Variants in MLIP observed in about 807,000 individuals in gnomAD.
MLIP encodes the protein muscular LMNA interacting protein, also known as muscular LMNA-interacting protein.
Under a neutral mutation model 84.8 loss-of-function variants are expected in MLIP, and 79 were observed. That is an observed-to-expected ratio of 0.93 (90% CI 0.78 to 1.12). The LOEUF (loss-of-function observed/expected upper bound fraction) is 1.12, where lower values mean the gene tolerates loss of function less well. Among genes scored for constraint, MLIP ranks in the 50% most tolerant of loss-of-function variants. The probability of loss-of-function intolerance (pLI) is 0.00; values close to 1 mark genes in which losing one functional copy is unlikely to be tolerated. For synonymous variants in MLIP, 504 were observed against 463.0 expected, an observed-to-expected ratio of 1.09 and a Z score of -1.14; for missense variants, 1,257 against 1,160.6, an observed-to-expected ratio of 1.08 and a Z score of -1.21.
chr6:54,098,358 G>A (rs1249930661), intron 1 of MLIP, among the ~76,000 whole-genome samples: 1 of 143,510 alleles, frequency 7.0e-6, no homozygotes, highest in African/African-American at 2.6e-5. Context: ...GTAGAGACAG[G>A]GTTTCACTCT....
Position 54,171,331 on chromosome 6 carries a change from C to G in MLIP, c.2544+1759C>G, listed in dbSNP as rs531738351. Reference sequence around the variant, plus strand: ...GTATAGGCTAGAACAAATATAAACTCTAATGCAGATAAGATTCTTGACCTT... The same window carrying G: ...GTATAGGCTAGAACAAATATAAACTGTAATGCAGATAAGATTCTTGACCTT... On this transcript the variant is annotated intron_variant, in intron 9 of 13. Coordinates refer to ENST00000502396, the MANE Select transcript of MLIP (RefSeq NM_001281747.2). Among the ~76,000 whole-genome samples, 41 of 151,682 alleles carry G rather than the reference C, an allele frequency of 2.7e-4. No individual in the cohort carries two copies. The South Asian group carries it at 8.1e-3, about 30-fold the overall frequency.
chr6:54,158,092 CCTGG>C (rs1774226744), intron 5 of MLIP, among the ~76,000 whole-genome samples: 2 of 151,984 alleles, frequency 1.3e-5, no homozygotes, highest in African/African-American at 2.4e-5. Context: ...AGCATCTGGA[CCTGG>C]TACCTCTTGG....
At position 54,137,927 on chromosome 6, in the gene MLIP, C is replaced by A. The variant is rs1771958931; in HGVS notation, c.1858C>A (p.Leu620Met). ...CCATCCTTCCCCAGCTCTTTCAAGC[C>A]TGATAAACAGATCTAAAAGAGCATC... ...CFHPSPALSS[L>M]INRSKRASSQ... Residue 620 changes from leucine to methionine, a missense_variant, in exon 4 of 14, where the codon CTG (leucine) becomes ATG (methionine). Leu to Met is a conservative substitution (Grantham distance 15). Transcript: ENST00000502396. 6.5e-7 allele frequency: 1 copy of A among 1,536,066 alleles called. No individual in the cohort carries two copies. Among genetic ancestry groups the A allele is most frequent in the Non-Finnish European group, 8.7e-7 (1 of 1,146,892 alleles).
chr6:54,128,086 T>A (rs1771076439), intron 3 of MLIP, among the ~76,000 whole-genome samples: 1 of 152,116 alleles, frequency 6.6e-6, no homozygotes, highest in South Asian at 2.1e-4. Flanking sequence ...ATGGGAAAAA[T>A]TAAGCATGAA....
intron 1 of MLIP, chr6:54,040,912 T>G (rs1391791724): frequency 6.6e-6 from 1 of 152,018 alleles, no homozygotes; most frequent in African/African-American, 2.4e-5. Flanking sequence ...TGGGGACTAC[T>G]AGAGGTGGGA....
At chr6:54,116,344 T>C (rs1420464556) in intron 1 of MLIP, among the ~76,000 whole-genome samples, 1 of 152,110 alleles carries the variant, frequency 6.6e-6, no homozygotes, top group African/African-American at 2.4e-5. Context: ...AAACAAAGAA[T>C]TGGTTTTTGG....
rs1401494638 is a variant in MLIP, at chr6:54,137,294, C to A, written c.1225C>A (p.Pro409Thr). 7.2e-6 allele frequency: 11 copies of A among 1,535,922 alleles called. No individual in the cohort carries two copies. The highest frequency in any genetic ancestry group is 9.6e-6 in the Non-Finnish European group (11 of 1,146,896). The change falls in exon 4 of 14, where the codon CCG (proline) becomes ACG (threonine). Residue 409 changes from proline (P) to threonine (T), a missense_variant. By Grantham distance (38) the Pro-to-Thr change is conservative. Coordinates refer to ENST00000502396, the MANE Select transcript of MLIP (RefSeq NM_001281747.2). The stretch of plus-strand genomic sequence containing the variant: ...TCTTTCAAAGTCAGGGGTAAAATCC[C>A]CGGTGCCTTCCCGGCTTGCCCTTCT... ...GNLSKSGVKS[P>T]VPSRLALLTA...
intron 1 of MLIP, among the ~76,000 whole-genome samples, chr6:54,090,337 G>A (rs1386487867): frequency 6.6e-6 from 1 of 152,046 alleles, no homozygotes; most frequent in Non-Finnish European, 1.5e-5. Context: ...ATGCACAATA[G>A]TTAAGTGGAA....
chr6:54,180,884 T>C lies in MLIP; in HGVS notation c.2545-8986T>C, dbSNP rs1309427408. ...TTTTATGCGGTTATGTTTTTCTGGA[T>C]GATCTTGATGCTTGTGGATGTTTGT... On this transcript the variant is annotated intron_variant, in intron 9 of 13. Coordinates refer to ENST00000502396, the MANE Select transcript of MLIP (RefSeq NM_001281747.2). Among the ~76,000 whole-genome samples, 3 of 152,316 alleles carry C rather than the reference T, an allele frequency of 2.0e-5. No individual in the cohort carries two copies. In the East Asian group the frequency reaches 5.8e-4, roughly 29 times the overall value.
At chr6:54,204,898 GAA>G (rs1380236703) in intron 11 of MLIP, among the ~76,000 whole-genome samples, 1 of 152,056 alleles carries the variant, frequency 6.6e-6, no homozygotes, top group Non-Finnish European at 1.5e-5. Flanking sequence ...ATCCCCATTT[GAA>G]TGTGGAACAT....
At chr6:54,264,078 G>A (rs1478441396) in intron 13 of MLIP, among the ~76,000 whole-genome samples, 2 of 151,966 alleles carry the variant, frequency 1.3e-5, no homozygotes, top group East Asian at 1.9e-4. Flanking sequence ...TAAATTGTGG[G>A]GCCAAACATT....
chr6:54,031,697 T>G (rs188335449), intron 1 of MLIP: 1 of 152,320 alleles, frequency 6.6e-6, no homozygotes, highest in Non-Finnish European at 1.5e-5. Context: ...AGGAAGGGAC[T>G]TGTCCTGAGG....
chr6:54,019,158 T>G, intron 1 of MLIP: 1 of 1,524,372 alleles, frequency 6.6e-7, no homozygotes, highest in Non-Finnish European at 9.0e-7. Context: ...GCAACTGTCA[T>G]AGACTGGAAA....
At chr6:54,094,585 T>C (rs976094036) in intron 1 of MLIP, among the ~76,000 whole-genome samples, 7 of 151,196 alleles carry the variant, frequency 4.6e-5, no homozygotes, top group African/African-American at 1.7e-4. Flanking sequence ...TTGTCTTCTT[T>C]CTGACTTTTT....
intron 1 of MLIP, among the ~76,000 whole-genome samples, chr6:54,048,480 T>C (rs894322487): frequency 6.6e-6 from 1 of 152,034 alleles, no homozygotes; most frequent in Non-Finnish European, 1.5e-5. Flanking sequence ...TTGAGGGGTG[T>C]TTGGGCATGC....
At chr6:54,119,758 T>G (rs1770271479) in intron 1 of MLIP, among the ~76,000 whole-genome samples, 2 of 152,224 alleles carry the variant, frequency 1.3e-5, no homozygotes. Flanking sequence ...TAGATTTAAC[T>G]ATTCCAAGAG....
intron 5 of MLIP, among the ~76,000 whole-genome samples, chr6:54,153,397 T>C (rs1305177349): frequency 6.6e-6 from 1 of 151,986 alleles, no homozygotes; most frequent in South Asian, 2.1e-4. Context: ...GAAATTCTAG[T>C]CTCAAGCAAA....
At chr6:54,191,815 A>C (rs770049368) in intron 10 of MLIP, among the ~76,000 whole-genome samples, 15 of 152,116 alleles carry the variant, frequency 9.9e-5, no homozygotes, top group Non-Finnish European at 1.8e-4. Context: ...GTTTATTTAG[A>C]GTAATATATG....
intron 11 of MLIP, chr6:54,215,983 G>A: frequency 4.6e-6 from 1 of 217,436 alleles, no homozygotes; most frequent in Non-Finnish European, 7.8e-6. Flanking sequence ...ATTCATTCAT[G>A]TTATTGGAAA....
Sources: gnomAD v4.1 joint callset for allele counts (sites outside exome capture counted in the v4.1 genomes callset) on GRCh38, gnomAD v4.1.1 for gene constraint, MANE v1.5 for transcripts, NCBI Gene and HGNC (gene_info 2026-07-23, HGNC 2026-07-21) for gene names.